The following CELF2 variants were observed in gnomAD, a reference collection of about 807,000 sequenced individuals.
The protein encoded by CELF2 is CUG triplet repeat RNA-binding protein 2.
In CELF2, 8 loss-of-function variants were observed where a neutral mutation model predicts 62.6. The observed-to-expected ratio is 0.13, with a 90% CI of 0.07 to 0.23. The LOEUF (loss-of-function observed/expected upper bound fraction) is 0.23. CELF2 is among the 10% of genes least tolerant of loss of function. The probability of loss-of-function intolerance (pLI) is 1.00; values close to 1 mark genes in which losing one functional copy is unlikely to be tolerated. For missense variants in CELF2, 333 were observed against 671.0 expected (o/e 0.50, Z 5.56); for synonymous variants, 258 against 250.0 (o/e 1.03, Z -0.30).
chr10:10,998,017 T>C (rs1390755375), intron 2 of CELF2, among the ~76,000 whole-genome samples: 2 of 152,164 alleles, frequency 1.3e-5, no homozygotes, highest in Non-Finnish European at 2.9e-5. Context: ...CTGATGGTTT[T>C]ATAAAGGGGA....
intron 2 of CELF2, among the ~76,000 whole-genome samples, chr10:10,939,443 G>A (rs1192926413): frequency 1.3e-5 from 2 of 151,926 alleles, no homozygotes; most frequent in Non-Finnish European, 2.9e-5. Flanking sequence ...AAGCCACCAC[G>A]CCATGATAAT....
Position 11,246,028 on chromosome 10 carries a change from G to A in CELF2, c.355-3125G>A, listed in dbSNP as rs956217054. On this transcript the variant is annotated intron_variant, in intron 3 of 12. Coordinates refer to ENST00000633077, the MANE Select transcript of CELF2 (RefSeq NM_001326342.2). The surrounding 1 kb of genome is among the most constrained non-coding windows in gnomAD (Gnocchi z 4.6). ...CCTGTCAGCCGAGAGCACTGACTGC[G>A]TGATTTCCAGGGTCCTTTACAGCTT... Among the ~76,000 whole-genome samples, 2 of 152,178 alleles carry A rather than the reference G, an allele frequency of 1.3e-5. No individual in the cohort carries two copies. The highest frequency in any genetic ancestry group is 1.5e-5 in the Non-Finnish European group (1 of 68,028).
chr10:10,822,362 T>C (rs750180499), intron 1 of CELF2, among the ~76,000 whole-genome samples: 3 of 152,210 alleles, frequency 2.0e-5, no homozygotes, highest in Admixed American at 6.5e-5. Context: ...AATTCTGCAG[T>C]AAAGGAAGAG....
At chr10:10,614,258 T>C in the CELF2 span, among the ~76,000 whole-genome samples, 1 of 152,048 alleles carries the variant, frequency 6.6e-6, no homozygotes, top group Non-Finnish European at 1.5e-5. Flanking sequence ...TTTATTACGC[T>C]CTTACATTGA....
chr10:10,842,401 T>C (rs557858287), intron 1 of CELF2, among the ~76,000 whole-genome samples: 15 of 152,208 alleles, frequency 9.9e-5, no homozygotes, highest in African/African-American at 2.2e-4. Flanking sequence ...AGGATCTCAC[T>C]AAAAAGAATG....
chr10:10,599,392 A>G, the CELF2 span, among the ~76,000 whole-genome samples: 1 of 152,214 alleles, frequency 6.6e-6, no homozygotes, highest in East Asian at 1.9e-4. Flanking sequence ...GGAACCAGCA[A>G]AATGCTTGGC....
intron 1 of CELF2, among the ~76,000 whole-genome samples, chr10:11,134,074 A>C (rs2060025713): frequency 6.6e-6 from 1 of 152,224 alleles, no homozygotes; most frequent in African/African-American, 2.4e-5. Flanking sequence ...CGATATTTGT[A>C]AATATTTTAC....
At chr10:10,577,431 G>T in the CELF2 span, among the ~76,000 whole-genome samples, 2 of 150,878 alleles carry the variant, frequency 1.3e-5, no homozygotes, top group South Asian at 2.1e-4. Flanking sequence ...ACAATGTGCA[G>T]GTTTGTTACA....
At chr10:10,631,859 G>A in the CELF2 span, among the ~76,000 whole-genome samples, 1 of 152,220 alleles carries the variant, frequency 6.6e-6, no homozygotes, top group South Asian at 2.1e-4. Context: ...CTCTGGTGCA[G>A]GGAGGGCAAT....
the CELF2 span, among the ~76,000 whole-genome samples, chr10:10,615,424 G>T: frequency 6.6e-6 from 1 of 152,156 alleles, no homozygotes; most frequent in Admixed American, 6.5e-5. Flanking sequence ...CTGTGAGCAA[G>T]TATCCTCTTC....
intron 3 of CELF2, among the ~76,000 whole-genome samples, chr10:11,225,434 G>GCATT (rs2066190411): frequency 6.6e-6 from 1 of 152,194 alleles, no homozygotes; most frequent in Admixed American, 6.5e-5. Flanking sequence ...TGCTGTCCAT[G>GCATT]CATTGTCTGT....
chr10:11,111,959 C>T (rs1356519437), intron 1 of CELF2, among the ~76,000 whole-genome samples: 2 of 152,160 alleles, frequency 1.3e-5, no homozygotes, highest in Non-Finnish European at 2.9e-5. Context: ...GTATGCTCGG[C>T]CTGGTTTTTG....
At chr10:10,500,849 A>G in the CELF2 span, among the ~76,000 whole-genome samples, 18 of 152,152 alleles carry the variant, frequency 1.2e-4, 1 homozygote, top group Admixed American at 1.2e-3. Flanking sequence ...CTCCATTTCT[A>G]TAATTTTGTC....
At chr10:11,192,720 A>G (rs995241421) in intron 2 of CELF2, among the ~76,000 whole-genome samples, 1 of 152,188 alleles carries the variant, frequency 6.6e-6, no homozygotes, top group African/African-American at 2.4e-5. Context: ...CCGAGTTCAC[A>G]TGGGACTCAA....
intron 1 of CELF2, among the ~76,000 whole-genome samples, chr10:11,060,709 A>G (rs1048333515): frequency 4.6e-5 from 7 of 152,146 alleles, no homozygotes; most frequent in African/African-American, 1.7e-4. Context: ...CCATTTCCCG[A>G]TAGCATTTTC....
chr10:10,552,364 T>G, the CELF2 span, among the ~76,000 whole-genome samples: 1 of 152,168 alleles, frequency 6.6e-6, no homozygotes, highest in African/African-American at 2.4e-5. Context: ...AAGAAACACA[T>G]AGTATCTGTC....
intron 1 of CELF2, chr10:10,919,888 T>G: frequency 1.0e-6 from 1 of 966,680 alleles, no homozygotes; most frequent in Non-Finnish European, 1.3e-6. Flanking sequence ...TAATACTTAT[T>G]ATGTGATTAA....
intron 2 of CELF2, among the ~76,000 whole-genome samples, chr10:10,991,023 T>C (rs766996306): frequency 3.3e-5 from 5 of 151,742 alleles, no homozygotes; most frequent in East Asian, 3.9e-4. Context: ...TTGTGTGAGT[T>C]TTTTTCCCCC....
chr10:11,249,981 T>TC (rs2076665145), intron 4 of CELF2, among the ~76,000 whole-genome samples: 1 of 152,214 alleles, frequency 6.6e-6, no homozygotes, highest in Non-Finnish European at 1.5e-5. Flanking sequence ...ACTGTTTCCT[T>TC]CCAGCAGGCA....
Sources: gnomAD v4.1 joint callset for allele counts (sites outside exome capture counted in the v4.1 genomes callset) on GRCh38, gnomAD v4.1.1 for gene constraint, Gnocchi (gnomAD v3.1) non-coding constraint, MANE v1.5 for transcripts, NCBI Gene and HGNC (gene_info 2026-07-23, HGNC 2026-07-21) for gene names.